Variants in DPP10 observed in about 807,000 individuals in gnomAD.
DPP10 encodes the protein inactive dipeptidyl peptidase 10.
Under a neutral mutation model 120.9 loss-of-function variants are expected in DPP10, and 33 were observed. The observed-to-expected ratio is 0.27, with a 90% CI of 0.21 to 0.37. The LOEUF (loss-of-function observed/expected upper bound fraction) is 0.37. Ranked by LOEUF, DPP10 falls within the 10% of genes least tolerant of loss-of-function variation. The pLI is 1.00. For synonymous variants in DPP10, 337 were observed against 326.1 expected (o/e 1.03, Z -0.36); for missense variants, 816 against 942.8 (o/e 0.87, Z 1.76).
At chr2:114,701,120 G>T (rs1700361732) in intron 1 of DPP10, among the ~76,000 whole-genome samples, 1 of 152,228 alleles carries the variant, frequency 6.6e-6, no homozygotes, top group African/African-American at 2.4e-5. Context: ...GATAAATGAT[G>T]TGATCTTCTT....
At chr2:115,079,267 C>T (rs567328462) in intron 1 of DPP10, among the ~76,000 whole-genome samples, 1 of 152,068 alleles carries the variant, frequency 6.6e-6, no homozygotes, top group Admixed American at 6.5e-5. Context: ...GTAATCCAAG[C>T]TACTCAGGAG....
chr2:114,789,573 A>T (rs1411276616), intron 1 of DPP10, among the ~76,000 whole-genome samples: 1 of 152,152 alleles, frequency 6.6e-6, no homozygotes, highest in African/African-American at 2.4e-5. Flanking sequence ...TTTTAACAAG[A>T]TCCCCAGGGA....
intron 1 of DPP10, among the ~76,000 whole-genome samples, chr2:115,047,338 C>T (rs1024674553): frequency 2.6e-5 from 4 of 151,886 alleles, no homozygotes; most frequent in Non-Finnish European, 4.4e-5. Context: ...ATAATGTCAT[C>T]GCTCTTTGCC....
At chr2:115,586,465 T>C (rs1185307817) in intron 5 of DPP10, among the ~76,000 whole-genome samples, 4 of 152,228 alleles carry the variant, frequency 2.6e-5, no homozygotes, top group Non-Finnish European at 5.9e-5. Flanking sequence ...GATTCTGAGA[T>C]GTAGGATTAC....
At chr2:114,974,370 T>C (rs955668948) in intron 1 of DPP10, among the ~76,000 whole-genome samples, 1 of 151,950 alleles carries the variant, frequency 6.6e-6, no homozygotes, top group Non-Finnish European at 1.5e-5. Flanking sequence ...CTAGGGGCAA[T>C]AGGTTATTCC....
At chr2:114,708,173 G>C (rs1017572274) in intron 1 of DPP10, among the ~76,000 whole-genome samples, 1 of 152,198 alleles carries the variant, frequency 6.6e-6, no homozygotes, top group Admixed American at 6.5e-5. Context: ...TGCTGAGTCA[G>C]TTCCCCGAGT....
chr2:115,415,766 C>T (rs906400136), intron 3 of DPP10, among the ~76,000 whole-genome samples: 10 of 144,738 alleles, frequency 6.9e-5, no homozygotes, highest in African/African-American at 2.0e-4. Flanking sequence ...TGTAAAACTA[C>T]GATTCTTGGC....
At chr2:115,712,055 A>T (rs780005907) in intron 7 of DPP10, among the ~76,000 whole-genome samples, 5 of 149,888 alleles carry the variant, frequency 3.3e-5, no homozygotes, top group Non-Finnish European at 7.4e-5. Context: ...TGGTTTTGGG[A>T]GATTTAAGAG....
At chr2:115,671,948 C>G (rs2089909656) in intron 5 of DPP10, among the ~76,000 whole-genome samples, 1 of 152,076 alleles carries the variant, frequency 6.6e-6, no homozygotes, top group Non-Finnish European at 1.5e-5. Flanking sequence ...ATATGTAAAA[C>G]AATATATTTT....
chr2:115,002,068 G>GC (rs1701478737), intron 1 of DPP10, among the ~76,000 whole-genome samples: 1 of 152,036 alleles, frequency 6.6e-6, no homozygotes, highest in Non-Finnish European at 1.5e-5. Context: ...AGCCCAAATA[G>GC]CCAAGGCAAT....
intron 3 of DPP10, among the ~76,000 whole-genome samples, chr2:115,384,625 AGAGGAAGAAGAAAG>A (rs1559522100): frequency 6.7e-6 from 1 of 149,366 alleles, no homozygotes; most frequent in Non-Finnish European, 1.5e-5. Flanking sequence ...AGGAAGAAGA[AGAGGAAGAAGAAAG>A]AAGGAAGAAG....
At chr2:115,337,015 C>T (rs748763331) in intron 2 of DPP10, among the ~76,000 whole-genome samples, 4 of 151,904 alleles carry the variant, frequency 2.6e-5, no homozygotes, top group Non-Finnish European at 2.9e-5. Context: ...TGCTAAATTA[C>T]GTTGCAATGT....
chr2:115,091,071 A>G (rs1029167661), intron 1 of DPP10, among the ~76,000 whole-genome samples: 1 of 152,196 alleles, frequency 6.6e-6, no homozygotes, highest in Non-Finnish European at 1.5e-5. Context: ...TGTGACTCAC[A>G]ACAATGTTCT....
At chr2:115,827,157 G>A (rs1325929551) in intron 21 of DPP10, among the ~76,000 whole-genome samples, 1 of 151,434 alleles carries the variant, frequency 6.6e-6, no homozygotes, top group Non-Finnish European at 1.5e-5. Context: ...GCATTATTTT[G>A]ATGGTTCCTT....
intron 1 of DPP10, among the ~76,000 whole-genome samples, chr2:115,240,493 CT>C (rs1401769459): frequency 1.3e-5 from 2 of 151,966 alleles, no homozygotes; most frequent in African/African-American, 4.8e-5. Context: ...TTTGTAGATT[CT>C]GGATATTAGC....
rs926986156 is a variant in DPP10, at chr2:115,361,472, G to C, written c.271+17560G>C. ...TTTGAGGGTGGTCAATGGACAAGGG[G>C]ATGTGCAGACCAGACATGCCCCTTT... On this transcript the variant is annotated intron_variant, in intron 3 of 25. Transcript: ENST00000410059. Among the ~76,000 whole-genome samples the C allele has an allele frequency of 2.6e-5, 4 of 151,996 alleles. No individual in the cohort carries two copies. The East Asian group carries it at 7.8e-4, about 30-fold the overall frequency.
At chr2:114,629,026 A>T (rs1344086463) in intron 1 of DPP10, among the ~76,000 whole-genome samples, 1 of 152,182 alleles carries the variant, frequency 6.6e-6, no homozygotes, top group Non-Finnish European at 1.5e-5. Context: ...TTTCATCATG[A>T]CACATGAGAC....
At chr2:115,496,771 T>TA (rs1182697394) in intron 3 of DPP10, among the ~76,000 whole-genome samples, 2 of 152,262 alleles carry the variant, frequency 1.3e-5, no homozygotes, top group African/African-American at 4.8e-5. Context: ...GAGACGTTGG[T>TA]ATTGCAGTAA....
chr2:115,281,741 A>G (rs2060164501), intron 1 of DPP10, among the ~76,000 whole-genome samples: 1 of 152,194 alleles, frequency 6.6e-6, no homozygotes, highest in Non-Finnish European at 1.5e-5. Flanking sequence ...GCCATAGGAT[A>G]TAAATATACA....
Sources: gnomAD v4.1 joint callset for allele counts (sites outside exome capture counted in the v4.1 genomes callset) on GRCh38, gnomAD v4.1.1 for gene constraint, MANE v1.5 for transcripts, NCBI Gene and HGNC (gene_info 2026-07-23, HGNC 2026-07-21) for gene names.